Variants in UBE2E2 observed in about 807,000 individuals in gnomAD.
UBE2E2 encodes ubiquitin conjugating enzyme E2 E2, also known as ubiquitin-conjugating enzyme E2 E2.
Under a neutral mutation model 24.7 loss-of-function variants are expected in UBE2E2, and 6 were observed. The observed-to-expected ratio is 0.24, with a 90% CI of 0.13 to 0.48. The LOEUF (loss-of-function observed/expected upper bound fraction) is 0.48, where lower values mean the gene tolerates loss of function less well. Ranked by LOEUF, UBE2E2 falls within the 20% of genes least tolerant of loss-of-function variation. The pLI is 0.99. For synonymous variants in UBE2E2, 104 were observed against 83.6 expected (o/e 1.24, Z -1.33); for missense variants, 169 against 245.0 (o/e 0.69, Z 2.07).
At chr3:23,448,836 G>A (rs965286240) in intron 3 of UBE2E2, among the ~76,000 whole-genome samples, 31 of 152,302 alleles carry the variant, frequency 2.0e-4, no homozygotes, top group African/African-American at 6.0e-4. Context: ...GAGATTAGGA[G>A]ATTAAGTCAG....
At chr3:23,499,791 A>G (rs1364159201) in intron 4 of UBE2E2, 51 bp downstream of exon 4, 2 of 1,586,632 alleles carry the variant, frequency 1.3e-6, no homozygotes, top group Admixed American at 1.8e-5. Context: ...ATATTTCTAG[A>G]TACATATACT....
intron 3 of UBE2E2, among the ~76,000 whole-genome samples, chr3:23,332,717 G>GCA (rs1695096968): frequency 7.6e-6 from 1 of 132,174 alleles, no homozygotes; most frequent in Non-Finnish European, 1.7e-5. Flanking sequence ...GTGTGTGTGT[G>GCA]TGCAGCTATG....
At chr3:23,374,251 T>A (rs1342489001) in intron 3 of UBE2E2, among the ~76,000 whole-genome samples, 1 of 152,186 alleles carries the variant, frequency 6.6e-6, no homozygotes, top group East Asian at 1.9e-4. Flanking sequence ...TGTTTTAAAA[T>A]CATGTTAAAT....
intron 3 of UBE2E2, among the ~76,000 whole-genome samples, chr3:23,350,888 C>T (rs1460751027): frequency 2.0e-5 from 3 of 152,084 alleles, no homozygotes; most frequent in Non-Finnish European, 4.4e-5. Context: ...ACAGAGAACG[C>T]CTCAAAGATA....
At position 23,590,633 on chromosome 3, in the gene UBE2E2, G is replaced by A. The variant is rs990396126; in HGVS notation, c.*802G>A. Reference sequence around the variant, plus strand: ...GTCCTGGTGACCGCTGTAGCCCTACGTGCAGTGAGGCTTGTCTAATTCAAT... The same window carrying A: ...GTCCTGGTGACCGCTGTAGCCCTACATGCAGTGAGGCTTGTCTAATTCAAT... On this transcript the variant is annotated 3_prime_UTR_variant, in exon 6 of 6. Coordinates refer to ENST00000396703, the MANE Select transcript of UBE2E2 (RefSeq NM_152653.4). 4.6e-5 allele frequency: 7 copies of A among 152,534 alleles called. No individual in the cohort carries two copies. The highest frequency in any genetic ancestry group is 1.2e-4 in the African/African-American group (5 of 41,402). 9.4% of individuals were successfully genotyped at this position (152,534 alleles called of 1,614,324 possible). A position where few individuals can be genotyped will look rare whatever the true frequency, so the allele number is the denominator to read the frequency against.
intron 3 of UBE2E2, among the ~76,000 whole-genome samples, chr3:23,345,717 T>C (rs1695537645): frequency 6.6e-6 from 1 of 152,224 alleles, no homozygotes; most frequent in African/African-American, 2.4e-5. Flanking sequence ...TAAATTGATT[T>C]TTTTAATGTC....
chr3:23,576,482 T>G (rs1696349939), intron 5 of UBE2E2, among the ~76,000 whole-genome samples: 1 of 152,136 alleles, frequency 6.6e-6, no homozygotes, highest in South Asian at 2.1e-4. Context: ...AAGAATGCTG[T>G]TAAAATCACC....
chr3:23,318,832 C>T (rs936578482), intron 3 of UBE2E2, among the ~76,000 whole-genome samples: 6 of 152,160 alleles, frequency 3.9e-5, no homozygotes, highest in Non-Finnish European at 2.9e-5. Flanking sequence ...CCATATCAAA[C>T]ACTTCCCAAA....
At chr3:23,331,646 G>C (rs1189247392) in intron 3 of UBE2E2, among the ~76,000 whole-genome samples, 3 of 152,012 alleles carry the variant, frequency 2.0e-5, no homozygotes, top group Non-Finnish European at 1.5e-5. Context: ...GGTAGAAAAG[G>C]GCATGCTGAC....
At chr3:23,236,892 C>CA (rs1697128005) in intron 3 of UBE2E2, among the ~76,000 whole-genome samples, 1 of 152,124 alleles carries the variant, frequency 6.6e-6, no homozygotes, top group South Asian at 2.1e-4. Flanking sequence ...ACATGTGCAC[C>CA]AGCATGGTCC....
chr3:23,511,207 G>T (rs1165940432), intron 4 of UBE2E2, among the ~76,000 whole-genome samples: 1 of 152,218 alleles, frequency 6.6e-6, no homozygotes, highest in Non-Finnish European at 1.5e-5. Context: ...CGGCATGCCT[G>T]ATCTCTACCC....
chr3:23,227,755 G>C (rs1696865666), intron 3 of UBE2E2, among the ~76,000 whole-genome samples: 1 of 152,206 alleles, frequency 6.6e-6, no homozygotes, highest in South Asian at 2.1e-4. Context: ...GATAGCTGCA[G>C]AGTTGGGCTA....
chr3:23,562,168 C>G (rs1478627880), intron 5 of UBE2E2, among the ~76,000 whole-genome samples: 1 of 151,964 alleles, frequency 6.6e-6, no homozygotes. Context: ...GGAATGCTTC[C>G]AGTTTTTGCC....
At chr3:23,349,747 G>C (rs1221195885) in intron 3 of UBE2E2, among the ~76,000 whole-genome samples, 1 of 152,348 alleles carries the variant, frequency 6.6e-6, no homozygotes, top group East Asian at 1.9e-4. Flanking sequence ...AAACTGGGTG[G>C]AGCCCACCAC....
chr3:23,393,547 C>T (rs901863946), intron 3 of UBE2E2, among the ~76,000 whole-genome samples: 47 of 152,152 alleles, frequency 3.1e-4, no homozygotes, highest in African/African-American at 1.1e-3. Flanking sequence ...AACAAGTTTG[C>T]ATGTGATTTG....
At chr3:23,252,689 G>T (rs761061199) in intron 3 of UBE2E2, among the ~76,000 whole-genome samples, 2 of 152,012 alleles carry the variant, frequency 1.3e-5, no homozygotes, top group Non-Finnish European at 2.9e-5. Flanking sequence ...TAGAGACGAG[G>T]TTTCACCATG....
chr3:23,522,128 A>ATTTT (rs34111484), intron 4 of UBE2E2, among the ~76,000 whole-genome samples: 1 of 124,276 alleles, frequency 8.0e-6, no homozygotes, highest in African/African-American at 3.2e-5. Context: ...TAACCAGCTA[A>ATTTT]TTTTTTTTTT....
intron 2 of UBE2E2, among the ~76,000 whole-genome samples, chr3:23,214,861 C>G (rs1696432005): frequency 6.6e-6 from 1 of 151,878 alleles, no homozygotes; most frequent in Non-Finnish European, 1.5e-5. Context: ...TCCCTTGAAG[C>G]AGACTGTTTA....
intron 3 of UBE2E2, among the ~76,000 whole-genome samples, chr3:23,319,395 T>TTG (rs966809420): frequency 2.0e-5 from 3 of 152,190 alleles, no homozygotes; most frequent in African/African-American, 7.2e-5. Flanking sequence ...TGTGAAAATG[T>TTG]TGTGTGTGTT....
Sources: allele counts gnomAD v4.1 joint callset (sites outside exome capture counted in the v4.1 genomes callset), GRCh38; gene constraint gnomAD v4.1.1; transcripts MANE v1.5; gene names NCBI Gene and HGNC (gene_info 2026-07-23, HGNC 2026-07-21).